Variants in CDHR3 observed in about 807,000 individuals in gnomAD.
CDHR3 encodes cadherin related family member 3, also known as cadherin-related family member 3.
A neutral mutation model predicts 86.6 loss-of-function variants in CDHR3; 79 were observed. The ratio of observed to expected loss-of-function variants is 0.91; its 90% CI spans 0.76 to 1.10. CDHR3 has a LOEUF of 1.10. Among genes scored for constraint, CDHR3 ranks in the 50% least tolerant of loss-of-function variants. The probability of loss-of-function intolerance (pLI) is 0.00; values close to 1 mark genes in which losing one functional copy is unlikely to be tolerated. For synonymous variants in CDHR3, 421 were observed against 402.4 expected (o/e 1.05, Z -0.55); for missense variants, 1,081 against 1,077.6 (o/e 1.00, Z -0.04).
chr7:105,987,633 T>C (rs1314418054), intron 4 of CDHR3, among the ~76,000 whole-genome samples: 1 of 152,132 alleles, frequency 6.6e-6, no homozygotes, highest in African/African-American at 2.4e-5. Context: ...AGAACACGGA[T>C]GTCTGTGTCC....
At chr7:106,018,111 T>C (rs2115866664) in intron 12 of CDHR3, 39 bp downstream of exon 12, 2 of 1,562,126 alleles carry the variant, frequency 1.3e-6, no homozygotes, top group Non-Finnish European at 1.8e-6. Context: ...GTAACCCAAC[T>C]GGTTGACTTA....
At chr7:106,005,908 G>T (rs899039267) in intron 8 of CDHR3, among the ~76,000 whole-genome samples, 3 of 152,178 alleles carry the variant, frequency 2.0e-5, no homozygotes, top group African/African-American at 7.2e-5. Context: ...GCTCCAAGAC[G>T]CTGACCTGGA....
intron 17 of CDHR3, among the ~76,000 whole-genome samples, chr7:106,028,811 T>C (rs572764650): frequency 6.6e-6 from 1 of 152,330 alleles, no homozygotes; most frequent in South Asian, 2.1e-4. Flanking sequence ...TTCATAAATA[T>C]TGAGTAGTGG....
At chr7:106,032,350 GA>G in intron 18 of CDHR3, 42 bp from the exon 19 acceptor site, 1 of 1,549,086 alleles carries the variant, frequency 6.5e-7, no homozygotes, top group Non-Finnish European at 8.7e-7. Context: ...ACAGTCATTG[GA>G]ATTTTCTGGC....
chr7:106,016,170 C>T (rs1218985832), intron 11 of CDHR3, 145 bp downstream of exon 11: 3 of 589,726 alleles, frequency 5.1e-6, no homozygotes, highest in Middle Eastern at 4.4e-4. Flanking sequence ...TATTGCACCT[C>T]TTATTTCTTT....
At position 106,028,627 on chromosome 7, in the gene CDHR3, TA is replaced by T. The variant is rs781407439; in HGVS notation, c.2304+46del. The T allele has an allele frequency of 2.5e-6, 4 of 1,607,732 alleles. No individual in the cohort carries two copies. The Admixed American group carries it at 6.7e-5, about 27-fold the overall frequency. On this transcript the variant is annotated intron_variant, in intron 17 of 18. Transcript: ENST00000317716. Reference sequence around the variant, plus strand: ...GGCACCAGGCATAGACGCTGGGGGATAGGGGCTCCCGTCTCCCCCGAAGGCA... The same window carrying T: ...GGCACCAGGCATAGACGCTGGGGGATGGGGCTCCCGTCTCCCCCGAAGGCA...
At chr7:106,007,406 A>G (rs1834096789) in intron 8 of CDHR3, among the ~76,000 whole-genome samples, 1 of 152,238 alleles carries the variant, frequency 6.6e-6, no homozygotes. Flanking sequence ...AAAATTTCCA[A>G]ACTTTTAAGC....
intron 1 of CDHR3, among the ~76,000 whole-genome samples, chr7:105,967,217 G>T (rs1827104908): frequency 6.6e-6 from 1 of 151,898 alleles, no homozygotes; most frequent in South Asian, 2.1e-4. Flanking sequence ...TGGTTTTTTT[G>T]TCCTTGCGAT....
rs373954340 is a variant in CDHR3, at chr7:106,032,579, C to T, written c.2540C>T (p.Ala847Val). 16 of 1,613,802 alleles carry T rather than the reference C, an allele frequency of 9.9e-6. No individual in the cohort carries two copies. The highest frequency in any genetic ancestry group is 3.3e-4 in the Middle Eastern group (2 of 6,084). Residue 847 changes from alanine to valine, a missense_variant, in exon 19 of 19, where the codon GCG (alanine) becomes GTG (valine). Coordinates refer to ENST00000317716, the MANE Select transcript of CDHR3 (RefSeq NM_152750.5). ...GAAGAAGATGAGCTGAGTGGCAAAG[C>T]GTGGGCTGAGGATGCTGGTCTGGGT... ...NWEEDELSGK[A>V]WAEDAGLGSR...
chr7:106,024,258 G>GC (rs1166428118), intron 14 of CDHR3, 123 bp from the exon 15 acceptor site: 1 of 804,422 alleles, frequency 1.2e-6, no homozygotes, highest in Admixed American at 2.6e-5. Context: ...TGAGCACACA[G>GC]ATGTCCAACT....
intron 18 of CDHR3, among the ~76,000 whole-genome samples, chr7:106,031,562 G>C (rs1026153722): frequency 1.1e-4 from 16 of 152,246 alleles, no homozygotes; most frequent in Non-Finnish European, 1.8e-4. Context: ...CCAGTGAGAG[G>C]CTGCCGCCGC....
intron 14 of CDHR3, among the ~76,000 whole-genome samples, chr7:106,023,156 C>A (rs1836831814): frequency 6.6e-6 from 1 of 152,154 alleles, no homozygotes; most frequent in Non-Finnish European, 1.5e-5. Context: ...TTATAGGTTA[C>A]CCAACCATGA....
At chr7:106,005,581 A>G (rs2115808135) in intron 8 of CDHR3, among the ~76,000 whole-genome samples, 1 of 152,334 alleles carries the variant, frequency 6.6e-6, no homozygotes, top group Non-Finnish European at 1.5e-5. Context: ...GGTGAGTCTC[A>G]GCTCCAGATG....
rs1002661347 is a variant in CDHR3, at chr7:106,010,608, G to C, written c.1053-2252G>C. Among the ~76,000 whole-genome samples, 3 of 152,212 alleles carry C rather than the reference G, an allele frequency of 2.0e-5. No homozygotes were observed. The East Asian group carries it at 5.8e-4, about 29-fold the overall frequency. On this transcript the variant is annotated intron_variant, in intron 8 of 18. Transcript: ENST00000317716. ...ATGACCATTCTTGCTGTCAGACTTT[G>C]CTCCGTATGCACTGAGCCCAGAGCT...
rs1191244977 is a variant in CDHR3 at position 106,036,066 on chromosome 7, G to T, written c.*3369G>T. On this transcript the variant is annotated 3_prime_UTR_variant, in exon 19 of 19. Transcript: ENST00000317716. ...ATAAAACTGGGGTAAATACGTTCAG[G>T]AATTAGACCACGTAACAATTATAAT... 6.6e-6 allele frequency: 1 copy of T among 152,164 alleles called. No homozygotes were observed. Among genetic ancestry groups the T allele is most frequent in the Non-Finnish European group, 1.5e-5 (1 of 68,036 alleles). 9.4% of individuals were successfully genotyped at this position (152,164 alleles called of 1,614,324 possible).
intron 8 of CDHR3, among the ~76,000 whole-genome samples, chr7:106,005,433 A>T (rs900193737): frequency 1.3e-5 from 2 of 152,180 alleles, no homozygotes; most frequent in Non-Finnish European, 2.9e-5. Flanking sequence ...CTCGTCTCTG[A>T]GGTTTTGTTC....
At chr7:105,965,374 T>C (rs1826709469) in intron 1 of CDHR3, among the ~76,000 whole-genome samples, 2 of 152,184 alleles carry the variant, frequency 1.3e-5, no homozygotes, top group Admixed American at 6.5e-5. Flanking sequence ...CTCAGGAGGC[T>C]GAGGCAGGAG....
At chr7:106,028,822 T>C (rs928674965) in intron 17 of CDHR3, among the ~76,000 whole-genome samples, 2 of 152,208 alleles carry the variant, frequency 1.3e-5, no homozygotes, top group Non-Finnish European at 2.9e-5. Flanking sequence ...TGAGTAGTGG[T>C]GTTTATTATC....
intron 15 of CDHR3, among the ~76,000 whole-genome samples, chr7:106,025,647 C>T (rs762873188): frequency 2.0e-5 from 3 of 152,078 alleles, no homozygotes; most frequent in African/African-American, 4.8e-5. Context: ...GTGCCTTTTA[C>T]GGGTATTTTA....
Sources: allele counts gnomAD v4.1 joint callset (sites outside exome capture counted in the v4.1 genomes callset), GRCh38; gene constraint gnomAD v4.1.1; transcripts MANE v1.5; gene names NCBI Gene and HGNC (gene_info 2026-07-23, HGNC 2026-07-21).